The following XIRP2 variants were observed in gnomAD, a reference collection of about 807,000 sequenced individuals.
XIRP2 encodes xin actin-binding repeat-containing protein 2.
XIRP2 carries 236 observed loss-of-function variants against 277.0 expected under a neutral mutation model. That is an observed-to-expected ratio of 0.85 (90% CI 0.77 to 0.95). The LOEUF (loss-of-function observed/expected upper bound fraction) is 0.95. XIRP2 is among the 40% of genes least tolerant of loss of function. The pLI is 0.00. For synonymous variants in XIRP2, 1,490 were observed against 1,416.5 expected (o/e 1.05, Z -1.17); for missense variants, 4,640 against 4,157.5 (o/e 1.12, Z -3.19).
chr2:167,134,444 T>C (rs1196251611), intron 2 of XIRP2, among the ~76,000 whole-genome samples: 1 of 152,016 alleles, frequency 6.6e-6, no homozygotes, highest in Non-Finnish European at 1.5e-5. Context: ...AAAATGTATC[T>C]ACTCTAAGAA....
chr2:167,059,460 TAAAATA>T (rs1689125836), intron 2 of XIRP2, among the ~76,000 whole-genome samples: 2 of 141,244 alleles, frequency 1.4e-5, no homozygotes, highest in African/African-American at 2.5e-5. Context: ...AAAAATAAAA[TAAAATA>T]AAATAAAATA....
chr2:166,949,151 T>C (rs1685963885), intron 2 of XIRP2, among the ~76,000 whole-genome samples: 1 of 152,064 alleles, frequency 6.6e-6, no homozygotes, highest in African/African-American at 2.4e-5. Context: ...TGGTCCAGCA[T>C]CATATTGATA....
At chr2:166,889,469 C>T in intron 1 of XIRP2, 1 of 152,656 alleles carries the variant, frequency 6.6e-6, no homozygotes, top group Non-Finnish European at 1.5e-5. Flanking sequence ...TGGCCCAGGT[C>T]CCTGGCCTCT....
chr2:166,911,860 C>G (rs1260299711), intron 2 of XIRP2, among the ~76,000 whole-genome samples: 1 of 152,112 alleles, frequency 6.6e-6, no homozygotes, highest in Non-Finnish European at 1.5e-5. Context: ...ATTTCTCCTT[C>G]ACTTATGAAG....
intron 2 of XIRP2, among the ~76,000 whole-genome samples, chr2:167,060,352 G>C (rs1469042724): frequency 6.6e-6 from 1 of 152,018 alleles, no homozygotes; most frequent in Non-Finnish European, 1.5e-5. Context: ...CTATTTGGTG[G>C]GAGGAGTATT....
intron 2 of XIRP2, among the ~76,000 whole-genome samples, chr2:167,079,305 G>A (rs1303077113): frequency 6.6e-6 from 1 of 152,042 alleles, no homozygotes; most frequent in Non-Finnish European, 1.5e-5. Context: ...CTTTTACATT[G>A]TGTGTTTACC....
intron 3 of XIRP2, among the ~76,000 whole-genome samples, chr2:167,141,216 A>G (rs1691708653): frequency 6.6e-6 from 1 of 152,222 alleles, no homozygotes. Context: ...TTCTGACTGT[A>G]GAATGTCAGA....
chr2:167,235,322 A>T (rs764519266), intron 5 of XIRP2, among the ~76,000 whole-genome samples: 1 of 151,978 alleles, frequency 6.6e-6, no homozygotes, highest in Admixed American at 6.6e-5. Flanking sequence ...TATTATTGCT[A>T]GTGTGAAAGG....
chr2:167,201,074 C>T (rs918723440), intron 3 of XIRP2, among the ~76,000 whole-genome samples: 28 of 149,528 alleles, frequency 1.9e-4, no homozygotes, highest in African/African-American at 6.2e-4. Context: ...TGCAGTGAGC[C>T]GAGATCATGC....
At chr2:167,075,918 C>T (rs1045985846) in intron 2 of XIRP2, among the ~76,000 whole-genome samples, 6 of 151,838 alleles carry the variant, frequency 4.0e-5, no homozygotes, top group Non-Finnish European at 5.9e-5. Context: ...TCAAGTGATC[C>T]GCTCGCCTCG....
intron 3 of XIRP2, among the ~76,000 whole-genome samples, chr2:167,176,736 T>A (rs1341613564): frequency 6.6e-6 from 1 of 152,232 alleles, no homozygotes; most frequent in Non-Finnish European, 1.5e-5. Context: ...GTATCAGTTC[T>A]ATGATTGTCT....
intron 2 of XIRP2, among the ~76,000 whole-genome samples, chr2:167,055,503 G>A (rs1295885779): frequency 6.6e-6 from 1 of 152,090 alleles, no homozygotes; most frequent in African/African-American, 2.4e-5. Flanking sequence ...TCTGCTATAG[G>A]TATAAATGTG....
intron 3 of XIRP2, among the ~76,000 whole-genome samples, chr2:167,206,712 G>A (rs1693865354): frequency 6.6e-6 from 1 of 152,180 alleles, no homozygotes; most frequent in Admixed American, 6.5e-5. Context: ...CAATGTTTAA[G>A]CCACTTTTAA....
rs202003744 is a variant in XIRP2, at chr2:166,978,331, C to A, written c.408+74441C>A. Among the ~76,000 whole-genome samples the A allele has an allele frequency of 2.0e-4, 31 of 152,166 alleles. No individual in the cohort carries two copies. In the East Asian group the frequency reaches 3.5e-3, roughly 17 times the overall value. ...TTATAAAGCCTCAGACATTTTTATT[C>A]TTTTTCTTCAAGATTGGTTTGAATA... On this transcript the variant is annotated intron_variant, in intron 2 of 10. Coordinates refer to ENST00000409195, the MANE Select transcript of XIRP2 (RefSeq NM_152381.6).
rs141351701 is a variant in XIRP2, at chr2:167,147,529, C to T, written c.562+11467C>T. On this transcript the variant is annotated intron_variant, in intron 3 of 10. Transcript: ENST00000409195. ...GTAACTAAGGTCAGCCACATAGATG[C>T]TCCATATTTGTGTGAACAACCTCCA... Among the ~76,000 whole-genome samples, 769 of 152,264 alleles carry T rather than the reference C, an allele frequency of 5.1e-3. 2 individuals carry two copies. The highest frequency in any genetic ancestry group is 0.017 in the African/African-American group (724 of 41,548).
intron 2 of XIRP2, among the ~76,000 whole-genome samples, chr2:167,028,802 C>T (rs932924179): frequency 6.6e-6 from 1 of 150,982 alleles, no homozygotes; most frequent in East Asian, 2.0e-4. Context: ...TTTGAGGACC[C>T]GCAAGAAAAT....
chr2:167,250,583 A>G lies in XIRP2; in HGVS notation c.9191A>G (p.Asn3064Ser). ...SKVSNVHVSN[N>S]KNSEQKENKI... ...GTATCTAATGTTCATGTCAGCAATAATAAAAATAGTGAACAGAAAGAAAAT... is the reference window on the plus strand; with the variant it reads ...GTATCTAATGTTCATGTCAGCAATAGTAAAAATAGTGAACAGAAAGAAAAT... Residue 3064 changes from asparagine to serine, a missense_variant, in exon 9 of 11, where the codon AAT becomes AGT. Physicochemically the swap from Asn to Ser is conservative, Grantham distance 46 (BLOSUM62 1). Coordinates refer to ENST00000409195, the MANE Select transcript of XIRP2 (RefSeq NM_152381.6). The G allele has an allele frequency of 1.2e-6, 2 of 1,613,594 alleles. No homozygotes were observed. The highest frequency in any genetic ancestry group is 1.7e-6 in the Non-Finnish European group (2 of 1,179,716).
At chr2:167,158,832 G>C (rs1432971021) in intron 3 of XIRP2, among the ~76,000 whole-genome samples, 1 of 152,090 alleles carries the variant, frequency 6.6e-6, no homozygotes, top group Non-Finnish European at 1.5e-5. Context: ...ACAGTTATTT[G>C]AACAGGGAAA....
At chr2:167,123,469 G>A (rs1691112523) in intron 2 of XIRP2, among the ~76,000 whole-genome samples, 1 of 152,030 alleles carries the variant, frequency 6.6e-6, no homozygotes, top group African/African-American at 2.4e-5. Flanking sequence ...GCCACAGATT[G>A]AGTAGCTTAA....
Sources: allele counts gnomAD v4.1 joint callset (sites outside exome capture counted in the v4.1 genomes callset), GRCh38; gene constraint gnomAD v4.1.1; transcripts MANE v1.5; gene names NCBI Gene and HGNC (gene_info 2026-07-23, HGNC 2026-07-21).